The following CDKL5 variants were observed in gnomAD, a reference collection of about 807,000 sequenced individuals.
CDKL5 encodes the protein cyclin dependent kinase like 5.
CDKL5 carries 8 observed loss-of-function variants against 61.7 expected under a neutral mutation model. The ratio of observed to expected loss-of-function variants is 0.13; its 90% CI spans 0.08 to 0.23. CDKL5 has a LOEUF of 0.23. Ranked by LOEUF, CDKL5 falls within the 10% of genes least tolerant of loss-of-function variation. The pLI is 1.00. For missense variants in CDKL5, 440 were observed against 734.5 expected, an observed-to-expected ratio of 0.60 and a Z score of 4.63; for synonymous variants, 275 against 272.3, an observed-to-expected ratio of 1.01 and a Z score of -0.10.
intron 1 of CDKL5, among the ~76,000 whole-genome samples, chrX:18,483,012 T>C (rs1463191831): frequency 8.9e-6 from 1 of 112,308 alleles, no homozygotes; most frequent in East Asian, 2.8e-4. Context: ...ATCTATTCTT[T>C]TGGGCATTGA....
intron 20 of CDKL5, among the ~76,000 whole-genome samples, chrX:18,649,217 G>A (rs1927925004): frequency 9.1e-6 from 1 of 110,381 alleles, no homozygotes; most frequent in Non-Finnish European, 1.9e-5. Context: ...AATTTCTACA[G>A]AAAACAAATG....
rs200037512 is a variant in CDKL5 at position 18,559,508 on chromosome X, TA to T, written c.100-4967del. On this transcript the variant is annotated intron_variant, in intron 3 of 17. Transcript: ENST00000623535. ...AGGCATGAGCCACTGCACCTGGCCG[TA>T]AGGATGAGTTTTAAAGGGTGGAGCA... Among the ~76,000 whole-genome samples the T allele has an allele frequency of 1.1e-4, 12 of 110,717 alleles. No homozygotes were observed. The East Asian group carries it at 3.4e-3, about 32-fold the overall frequency.
intron 1 of CDKL5, among the ~76,000 whole-genome samples, chrX:18,482,149 C>G (rs1921607736): frequency 9.0e-6 from 1 of 111,343 alleles, no homozygotes; most frequent in Non-Finnish European, 1.9e-5. Context: ...AGTTTCTTCT[C>G]TTTCCTTCTT....
chrX:18,472,769 ATAGT>A (rs1359538449), intron 1 of CDKL5, among the ~76,000 whole-genome samples: 1 of 109,481 alleles, frequency 9.1e-6, no homozygotes, highest in Non-Finnish European at 1.9e-5. Flanking sequence ...TACATGCTAG[ATAGT>A]TTCTGATTTT....
In CDKL5 at chrX:18,604,136, CCTT is replaced by C. The variant is rs759725174; in HGVS notation, c.1216_1218del (p.Leu406del). 6.6e-6 allele frequency: 8 copies of C among 1,209,871 alleles called. No individual in the cohort carries two copies. The East Asian group carries it at 1.2e-4, about 18-fold the overall frequency. On this transcript the variant is annotated inframe_deletion, in exon 12 of 18. Transcript: ENST00000623535. ...ATCTCACCAACAACAACATACCACA[CCTT>C]CTTAGCCCAAAAGAAGCCAAGTCAA...
At chrX:18,585,250 C>A (rs1011312653) in intron 8 of CDKL5, among the ~76,000 whole-genome samples, 1 of 110,507 alleles carries the variant, frequency 9.0e-6, no homozygotes, top group African/African-American at 3.3e-5. Flanking sequence ...CAAAAATTAG[C>A]CAGGCATGGT....
chrX:18,626,656 G>T (rs1235848473), intron 17 of CDKL5: 1 of 52,560 alleles, frequency 1.9e-5, no homozygotes, highest in Non-Finnish European at 3.5e-5. Context: ...CTTTTACCAA[G>T]AAGCCCTCTC....
chrX:18,584,199 T>C, intron 7 of CDKL5, 64 bp from the exon 8 acceptor site: 1 of 695,509 alleles, frequency 1.4e-6, no homozygotes, highest in Non-Finnish European at 2.4e-6. Context: ...CGCTGAAATA[T>C]TTTGCCCACA....
At chrX:18,588,874 A>G (rs1485151036) in intron 9 of CDKL5, 1 of 108,164 alleles carries the variant, frequency 9.2e-6, no homozygotes, top group Non-Finnish European at 1.9e-5. Context: ...ACATCATGCC[A>G]CTGCACTCCA....
At chrX:18,597,899 A>G (rs1291919873) in intron 10 of CDKL5, among the ~76,000 whole-genome samples, 1 of 111,163 alleles carries the variant, frequency 9.0e-6, no homozygotes, top group Non-Finnish European at 1.9e-5. Context: ...CCTGGCCCCG[A>G]ATTATTTCTT....
chrX:18,519,586 G>C (rs1307643633), intron 3 of CDKL5, among the ~76,000 whole-genome samples: 1 of 111,687 alleles, frequency 9.0e-6, no homozygotes, highest in Non-Finnish European at 1.9e-5. Flanking sequence ...TCTTTCACGT[G>C]TCAACTGTCA....
In CDKL5 at chrX:18,633,030, G is replaced by T. The variant is rs749495283; in HGVS notation, c.*4273G>T. 109 of 752,584 alleles carry T rather than the reference G, an allele frequency of 1.4e-4. No homozygotes were observed. Among genetic ancestry groups the T allele is most frequent in the Non-Finnish European group, 1.6e-4 (103 of 638,894 alleles). 62.0% of individuals were successfully genotyped at this position (752,584 alleles called of 1,213,427 possible). ...ACCTGGTGGTGACTGAACTCTTTCA[G>T]CAAGGGCAATGGCTCAATGTGATTC... On this transcript the variant is annotated 3_prime_UTR_variant, in exon 18 of 18. Coordinates refer to ENST00000623535, the MANE Select transcript of CDKL5 (RefSeq NM_001323289.2).
downstream of CDKL5, among the ~76,000 whole-genome samples, chrX:18,644,834 C>T (rs1244134846): frequency 8.9e-6 from 1 of 112,576 alleles, no homozygotes; most frequent in Non-Finnish European, 1.9e-5. Flanking sequence ...CCCTGCATCT[C>T]CACCTCCCAA....
chrX:18,518,385 C>CTTTTTTTTTTTTTTTTT lies in CDKL5; in HGVS notation c.99+7533_99+7534insTTTTTTTTTTTTTTTTT, dbSNP rs1195931109. On this transcript the variant is annotated intron_variant, in intron 3 of 17. Transcript: ENST00000623535. Reference sequence around the variant, plus strand: ...ATAAAGTCATGTTTTCTTTTCTTTTCTTATTTTTTTTTTTTTTTTTTTTTT... The same window carrying CTTTTTTTTTTTTTTTTT: ...ATAAAGTCATGTTTTCTTTTCTTTTCTTTTTTTTTTTTTTTTTTTATTTTTTTTTTTTTTTTTTTTTT... Among the ~76,000 whole-genome samples, 48 of 22,782 alleles carry CTTTTTTTTTTTTTTTTT rather than the reference C, an allele frequency of 2.1e-3. 2 individuals are homozygous for CTTTTTTTTTTTTTTTTT. Among genetic ancestry groups the CTTTTTTTTTTTTTTTTT allele is most frequent in the African/African-American group, 6.8e-3 (45 of 6,584 alleles). 19.8% of individuals were successfully genotyped at this position (22,782 alleles called of 115,157 possible).
At chrX:18,647,458 T>C in intron 20 of CDKL5, 1 of 694,711 alleles carries the variant, frequency 1.4e-6, no homozygotes, top group Non-Finnish European at 2.2e-6. Flanking sequence ...TACCTGTCTC[T>C]GTGGTTCACA....
At position 18,632,649 on chromosome X, in the gene CDKL5, C is replaced by T. The variant is rs1460628864; in HGVS notation, c.*3892C>T. On this transcript the variant is annotated 3_prime_UTR_variant, in exon 18 of 18. Transcript: ENST00000623535. ...TTTTAAAACATGCTTTAAGATTCAC[C>T]TTACGCAGTTGTACTTTAATTCTAA... The T allele has an allele frequency of 4.0e-6, 3 of 752,605 alleles. No individual in the cohort carries two copies. Among genetic ancestry groups the T allele is most frequent in the Non-Finnish European group, 4.7e-6 (3 of 638,903 alleles). 62.0% of individuals were successfully genotyped at this position (752,605 alleles called of 1,213,427 possible).
intron 3 of CDKL5, among the ~76,000 whole-genome samples, chrX:18,539,665 A>G (rs1036265489): frequency 3.6e-5 from 4 of 111,889 alleles, no homozygotes; most frequent in African/African-American, 9.8e-5. Context: ...GGCTCTTGAA[A>G]GAAACATGTA....
chrX:18,585,910 G>C (rs917689102), intron 8 of CDKL5, among the ~76,000 whole-genome samples: 2 of 111,505 alleles, frequency 1.8e-5, no homozygotes, highest in Admixed American at 9.5e-5. Context: ...AGCAATATAA[G>C]TTTCTGGATT....
At chrX:18,489,997 T>C (rs1023629304) in intron 1 of CDKL5, among the ~76,000 whole-genome samples, 3 of 111,646 alleles carry the variant, frequency 2.7e-5, no homozygotes, top group Admixed American at 1.9e-4. Context: ...TTCGTGGTCT[T>C]CATATTTCGC....
Sources: allele counts gnomAD v4.1 joint callset (sites outside exome capture counted in the v4.1 genomes callset), GRCh38; gene constraint gnomAD v4.1.1; transcripts MANE v1.5; gene names NCBI Gene and HGNC (gene_info 2026-07-23, HGNC 2026-07-21).